The following TRAPPC9 variants were observed in gnomAD, a reference collection of about 807,000 sequenced individuals.
TRAPPC9 encodes the protein IKK2 binding protein.
TRAPPC9 carries 83 observed loss-of-function variants against 124.0 expected under a neutral mutation model. That is an observed-to-expected ratio of 0.67 (90% CI 0.56 to 0.80). TRAPPC9 has a LOEUF of 0.80. Among genes scored for constraint, TRAPPC9 ranks in the 30% least tolerant of loss-of-function variants. The pLI is 0.00. For synonymous variants in TRAPPC9, 638 were observed against 617.5 expected (o/e 1.03, Z -0.49); for missense variants, 1,302 against 1,508.3 (o/e 0.86, Z 2.27).
chr8:140,174,204 C>T (rs557269483), intron 17 of TRAPPC9, among the ~76,000 whole-genome samples: 34 of 152,062 alleles, frequency 2.2e-4, no homozygotes, highest in African/African-American at 8.2e-4. Context: ...GAAACAACAA[C>T]ACACTGAGGC....
chr8:139,766,015 A>G (rs1322955073), intron 21 of TRAPPC9, among the ~76,000 whole-genome samples: 1 of 152,252 alleles, frequency 6.6e-6, no homozygotes, highest in Non-Finnish European at 1.5e-5. Flanking sequence ...ACCAGCACAA[A>G]CATCATCACT....
intron 21 of TRAPPC9, among the ~76,000 whole-genome samples, chr8:139,737,244 C>T (rs1052732342): frequency 6.6e-6 from 1 of 152,184 alleles, no homozygotes; most frequent in South Asian, 2.1e-4. Context: ...CGCAGCCTGC[C>T]TGTCAGCTTC....
At chr8:140,323,319 A>G (rs747753213) in intron 9 of TRAPPC9, among the ~76,000 whole-genome samples, 9 of 152,202 alleles carry the variant, frequency 5.9e-5, no homozygotes, top group Non-Finnish European at 1.2e-4. Flanking sequence ...ACCAGTAAAC[A>G]TAAGTGTTTC....
chr8:140,356,036 C>T lies in TRAPPC9; in HGVS notation c.1495+4014G>A, dbSNP rs111635223. 1.8e-3 allele frequency among the ~76,000 whole-genome samples: 281 copies of T among 152,216 alleles called. 1 individual carries two copies. Among genetic ancestry groups the T allele is most frequent in the African/African-American group, 6.6e-3 (273 of 41,528 alleles). On this transcript the variant is annotated intron_variant, in intron 9 of 22. Transcript: ENST00000438773. ...CAGAGGTTAAAGCATCAATGAGAACCCTCGCTGTATTTTCCTGTAGAGGTT... is the reference window on the plus strand; with the variant it reads ...CAGAGGTTAAAGCATCAATGAGAACTCTCGCTGTATTTTCCTGTAGAGGTT...
At chr8:140,032,228 G>A (rs888581641) in intron 17 of TRAPPC9, among the ~76,000 whole-genome samples, 1 of 152,240 alleles carries the variant, frequency 6.6e-6, no homozygotes, top group Non-Finnish European at 1.5e-5. Flanking sequence ...CATTTAAAAT[G>A]TAAGTGATAT....
At chr8:140,327,795 T>C (rs2066778990) in intron 9 of TRAPPC9, among the ~76,000 whole-genome samples, 1 of 152,174 alleles carries the variant, frequency 6.6e-6, no homozygotes, top group African/African-American at 2.4e-5. Context: ...CGTACAGAGA[T>C]TCTGTTTGGA....
chr8:139,775,119 C>T (rs942599380), intron 21 of TRAPPC9, among the ~76,000 whole-genome samples: 4 of 152,160 alleles, frequency 2.6e-5, no homozygotes, highest in African/African-American at 9.7e-5. Flanking sequence ...GCACCTAGCC[C>T]TGACTGGGCG....
chr8:139,786,195 G>A lies in TRAPPC9; in HGVS notation c.3056-53993C>T, dbSNP rs1195226733. The stretch of plus-strand genomic sequence containing the variant: ...CGCACTCCAGCCTGGGTGACAGAGC[G>A]AGACTCTGTCTCAAACAAACAAACA... On this transcript the variant is annotated intron_variant, in intron 21 of 22. Transcript: ENST00000438773. 3.9e-5 allele frequency among the ~76,000 whole-genome samples: 6 copies of A among 152,114 alleles called. No homozygotes were observed. In the South Asian group the frequency reaches 1.0e-3, roughly 26 times the overall value.
At chr8:139,896,313 G>T (rs1017224452) in intron 20 of TRAPPC9, among the ~76,000 whole-genome samples, 4 of 152,150 alleles carry the variant, frequency 2.6e-5, no homozygotes, top group Admixed American at 6.5e-5. Context: ...GGAGCAAGAG[G>T]TCAATCCATA....
chr8:140,273,886 G>A (rs572911310), intron 15 of TRAPPC9, among the ~76,000 whole-genome samples: 3 of 152,166 alleles, frequency 2.0e-5, no homozygotes, highest in South Asian at 4.2e-4. Context: ...TTTGTTGTTC[G>A]GGGGAGATTT....
intron 17 of TRAPPC9, among the ~76,000 whole-genome samples, chr8:140,064,553 G>C (rs368971598): frequency 3.9e-5 from 6 of 152,276 alleles, no homozygotes; most frequent in African/African-American, 1.4e-4. Context: ...CCCTGCAGGC[G>C]CACAGGGTCC....
At position 140,080,276 on chromosome 8, in the gene TRAPPC9, A is replaced by C. The variant is rs188832055; in HGVS notation, c.2557-56197T>G. Among the ~76,000 whole-genome samples, 26 of 152,280 alleles carry C rather than the reference A, an allele frequency of 1.7e-4. No homozygotes were observed. The East Asian group carries it at 2.5e-3, about 15-fold the overall frequency. On this transcript the variant is annotated intron_variant, in intron 17 of 22. Coordinates refer to ENST00000438773, the MANE Select transcript of TRAPPC9 (RefSeq NM_001160372.4). The stretch of plus-strand genomic sequence containing the variant: ...GAACCACATGAGTAAACTTTCTTTC[A>C]CTTGTGATGCACAACAGCTAACAGT...
intron 17 of TRAPPC9, among the ~76,000 whole-genome samples, chr8:140,145,666 C>T (rs1336248494): frequency 1.3e-5 from 2 of 151,902 alleles, no homozygotes; most frequent in Non-Finnish European, 2.9e-5. Context: ...GGGCAGATTT[C>T]GATTTGCTAA....
chr8:140,272,254 T>TG (rs1376870016), intron 15 of TRAPPC9, among the ~76,000 whole-genome samples: 4 of 75,982 alleles, frequency 5.3e-5, no homozygotes, highest in African/African-American at 2.1e-4. Flanking sequence ...GGGTGGGGGT[T>TG]GGGGTGGTGT....
chr8:139,973,487 C>G (rs996610682), intron 19 of TRAPPC9, among the ~76,000 whole-genome samples: 42 of 152,240 alleles, frequency 2.8e-4, no homozygotes, highest in African/African-American at 9.6e-4. Flanking sequence ...CTTACCAAGT[C>G]TACCTTCCTA....
chr8:140,389,649 T>C (rs1254370243), intron 7 of TRAPPC9, among the ~76,000 whole-genome samples: 1 of 152,172 alleles, frequency 6.6e-6, no homozygotes, highest in Admixed American at 6.5e-5. Context: ...ATTACCAAAC[T>C]TTCCTATTAA....
intron 17 of TRAPPC9, among the ~76,000 whole-genome samples, chr8:140,168,194 G>A (rs985066750): frequency 6.6e-6 from 1 of 152,146 alleles, no homozygotes; most frequent in African/African-American, 2.4e-5. Context: ...TTGTCATCAC[G>A]TACTTTGATC....
intron 21 of TRAPPC9, among the ~76,000 whole-genome samples, chr8:139,885,016 G>T (rs1308190872): frequency 6.6e-6 from 1 of 152,164 alleles, no homozygotes; most frequent in African/African-American, 2.4e-5. Flanking sequence ...CCCATGAAAG[G>T]GGCAGAACAA....
At chr8:140,183,939 GAGGA>G in intron 17 of TRAPPC9, among the ~76,000 whole-genome samples, 1 of 51,054 alleles carries the variant, frequency 2.0e-5, no homozygotes, top group Non-Finnish European at 4.5e-5. Flanking sequence ...GAGGAGAGGA[GAGGA>G]GAGGAGAGGG....
Sources: allele counts gnomAD v4.1 joint callset (sites outside exome capture counted in the v4.1 genomes callset), GRCh38; gene constraint gnomAD v4.1.1; transcripts MANE v1.5; gene names NCBI Gene and HGNC (gene_info 2026-07-23, HGNC 2026-07-21).